ASXL2: variants seen among roughly 807,000 people sequenced by gnomAD.
ASXL2 encodes ASXL transcriptional regulator 2, also known as putative Polycomb group protein ASXL2.
ASXL2 carries 23 observed loss-of-function variants against 122.0 expected under a neutral mutation model. The ratio of observed to expected loss-of-function variants is 0.19; its 90% CI spans 0.14 to 0.27. ASXL2 has a LOEUF of 0.27. Ranked by LOEUF, ASXL2 falls within the 10% of genes least tolerant of loss-of-function variation. The probability of loss-of-function intolerance (pLI) is 1.00; values close to 1 mark genes in which losing one functional copy is unlikely to be tolerated. For synonymous variants in ASXL2, 650 were observed against 637.0 expected, an observed-to-expected ratio of 1.02 and a Z score of -0.31; for missense variants, 1,518 against 1,713.8, an observed-to-expected ratio of 0.89 and a Z score of 2.02.
rs1265230195 is a variant in ASXL2 at position 25,744,230 on chromosome 2, C to T, written c.2107G>A (p.Glu703Lys). ...CTAGCAGTCTGCCCTTCACCACCCT[C>T]TCCTGGACCTTGTCCACCCCCTGGG... is the stretch of plus-strand genomic sequence containing the variant. ...PGPGGGQGPGEGGEGQTARGG... is the reference protein window; with the variant it reads ...PGPGGGQGPGKGGEGQTARGG... The change falls in exon 13 of 13, where the codon GAG becomes AAG. Residue 703 changes from glutamate (E) to lysine (K), a missense_variant. By Grantham distance (56) the Glu-to-Lys change is moderately conservative. Transcript: ENST00000435504. This position sits in a 1 kb window ranked among gnomAD's most constrained non-coding sequence, Gnocchi z 4.7. 1 of 1,613,962 alleles carries T rather than the reference C, an allele frequency of 6.2e-7. No individual in the cohort carries two copies. The highest frequency in any genetic ancestry group is 1.3e-5 in the African/African-American group (1 of 74,946).
At chr2:25,779,252 A>G (rs972084493) in intron 5 of ASXL2, among the ~76,000 whole-genome samples, 2 of 151,588 alleles carry the variant, frequency 1.3e-5, no homozygotes, top group Non-Finnish European at 2.9e-5. Context: ...GCCCACCACC[A>G]TGCCTACCTA....
chr2:25,821,916 T>C (rs1375117734), intron 3 of ASXL2, among the ~76,000 whole-genome samples: 2 of 152,150 alleles, frequency 1.3e-5, no homozygotes, highest in Non-Finnish European at 2.9e-5. Flanking sequence ...CACAAACTGA[T>C]CTACCATGTA....
intron 5 of ASXL2, among the ~76,000 whole-genome samples, chr2:25,775,691 T>G (rs1308607900): frequency 1.3e-5 from 2 of 152,138 alleles, no homozygotes; most frequent in Non-Finnish European, 2.9e-5. Context: ...TCCCCAGCCA[T>G]GTGGAACTAA....
At chr2:25,778,245 A>G (rs1236701234) in intron 5 of ASXL2, among the ~76,000 whole-genome samples, 1 of 152,210 alleles carries the variant, frequency 6.6e-6, no homozygotes, top group East Asian at 1.9e-4. Context: ...GGATTATCCA[A>G]ATGGATCCTA....
At chr2:25,856,444 C>T (rs1045488028) in intron 1 of ASXL2, 1 of 878,964 alleles carries the variant, frequency 1.1e-6, no homozygotes, top group East Asian at 3.0e-5. Flanking sequence ...CAGTGGAGTC[C>T]TGGAGTCTCC....
intron 5 of ASXL2, among the ~76,000 whole-genome samples, chr2:25,776,465 C>T (rs927455327): frequency 6.6e-6 from 1 of 152,106 alleles, no homozygotes; most frequent in Non-Finnish European, 1.5e-5. Flanking sequence ...TTATGAAGAA[C>T]ATTTGTGTGC....
At chr2:25,804,815 C>CGAGGAGGGTGGATTACCTGAGGT (rs1256937002) in intron 4 of ASXL2, among the ~76,000 whole-genome samples, 1 of 152,038 alleles carries the variant, frequency 6.6e-6, no homozygotes, top group Non-Finnish European at 1.5e-5. Context: ...TTTGGGAGGC[C>CGAGGAGGGTGGATTACCTGAGGT]GAGGAGGGTG....
chr2:25,878,072 G>C, intron 1 of ASXL2, 94 bp downstream of exon 1: 4 of 1,518,970 alleles, frequency 2.6e-6, no homozygotes, highest in Non-Finnish European at 3.6e-6. Flanking sequence ...CCTTCAGCCG[G>C]GTCCCTGGGC....
chr2:25,754,286 C>T (rs2088095281), intron 10 of ASXL2, among the ~76,000 whole-genome samples: 1 of 152,218 alleles, frequency 6.6e-6, no homozygotes, highest in South Asian at 2.1e-4. Flanking sequence ...ATCCTTCCCA[C>T]TCCATCAGCA....
Position 25,771,558 on chromosome 2 carries a change from AC to A in ASXL2, c.404-19del. Reference sequence around the variant, plus strand: ...CGACGATACTAGGGAAAAAAAAGTGACAATAAAAGATTTTTGTTAACAGAGA... The same window carrying A: ...CGACGATACTAGGGAAAAAAAAGTGAAATAAAAGATTTTTGTTAACAGAGA... On this transcript the variant is annotated intron_variant, in intron 5 of 12. Coordinates refer to ENST00000435504, the MANE Select transcript of ASXL2 (RefSeq NM_018263.6). The A allele has an allele frequency of 6.3e-7, 1 of 1,592,334 alleles. No individual in the cohort carries two copies. Among genetic ancestry groups the A allele is most frequent in the Middle Eastern group, 1.7e-4 (1 of 5,986 alleles).
chr2:25,839,080 A>G (rs922655951), intron 2 of ASXL2, among the ~76,000 whole-genome samples: 1 of 152,250 alleles, frequency 6.6e-6, no homozygotes, highest in Non-Finnish European at 1.5e-5. Context: ...CAAACTGTCT[A>G]CAGAAAAACA....
Position 25,742,974 on chromosome 2 carries a change from T to C in ASXL2, c.3363A>G (p.Ala1121=), listed in dbSNP as rs2087860054. Residue 1121 remains alanine, a synonymous_variant, in exon 13 of 13, where the codon GCA becomes GCG. Coordinates refer to ENST00000435504, the MANE Select transcript of ASXL2 (RefSeq NM_018263.6). The stretch of plus-strand genomic sequence containing the variant: ...TAGAAATATTCAGTAAGTAGTGCCC[T>C]GCCATTGCAGGTTTGGATGTCCTTC... ...AGRRTSKPAM[A]GHYLLNISTY... is the part of the protein sequence containing the mutation. 1.2e-6 allele frequency: 2 copies of C among 1,614,056 alleles called. No homozygotes were observed. Among genetic ancestry groups the C allele is most frequent in the Non-Finnish European group, 1.7e-6 (2 of 1,179,900 alleles).
intron 3 of ASXL2, among the ~76,000 whole-genome samples, chr2:25,828,522 A>AG (rs112216839): frequency 7.5e-5 from 10 of 133,364 alleles, no homozygotes; most frequent in East Asian, 4.0e-4. Flanking sequence ...AAAAAAAAAT[A>AG]AAAAGAAAAG....
intron 5 of ASXL2, among the ~76,000 whole-genome samples, chr2:25,787,587 AT>A (rs2088769134): frequency 6.6e-6 from 1 of 152,236 alleles, no homozygotes; most frequent in African/African-American, 2.4e-5. Context: ...CAGTCAATTT[AT>A]AAAAACTGTA....
chr2:25,822,998 G>T, intron 3 of ASXL2: 1 of 508,102 alleles, frequency 2.0e-6, no homozygotes, highest in Non-Finnish European at 3.9e-6. Flanking sequence ...TAACTTCTCT[G>T]CAAGATTTCA....
chr2:25,763,974 T>C (rs1474324326), intron 8 of ASXL2, among the ~76,000 whole-genome samples: 1 of 152,138 alleles, frequency 6.6e-6, no homozygotes, highest in Non-Finnish European at 1.5e-5. Flanking sequence ...ATTTGGAAAT[T>C]AACAACAACA....
rs534477861 is a variant in ASXL2 at position 25,739,988 on chromosome 2, A to G, written c.*2041T>C. The G allele has an allele frequency of 9.9e-5, 22 of 221,814 alleles. No homozygotes were observed. In the South Asian group the frequency reaches 3.9e-3, roughly 39 times the overall value. 13.7% of individuals were successfully genotyped at this position (221,814 alleles called of 1,614,324 possible). On this transcript the variant is annotated 3_prime_UTR_variant, in exon 13 of 13. Coordinates refer to ENST00000435504, the MANE Select transcript of ASXL2 (RefSeq NM_018263.6). ...CTTCCTGGATTGCCCAAGGTACTGA[A>G]TATTTGGGAGCACCATTATTTCTGT...
At chr2:25,807,925 G>A (rs1350525033) in intron 3 of ASXL2, among the ~76,000 whole-genome samples, 3 of 151,304 alleles carry the variant, frequency 2.0e-5, no homozygotes, top group Admixed American at 6.6e-5. Flanking sequence ...GTGGTTGAGA[G>A]GGACTGAATC....
chr2:25,828,011 A>G (rs1182839493), intron 3 of ASXL2, among the ~76,000 whole-genome samples: 4 of 152,158 alleles, frequency 2.6e-5, no homozygotes, highest in African/African-American at 9.7e-5. Flanking sequence ...GTCCACTAGC[A>G]TTAACAAGTG....
Sources: gnomAD v4.1 joint callset for allele counts (sites outside exome capture counted in the v4.1 genomes callset) on GRCh38, gnomAD v4.1.1 for gene constraint, Gnocchi (gnomAD v3.1) non-coding constraint, MANE v1.5 for transcripts, NCBI Gene and HGNC (gene_info 2026-07-23, HGNC 2026-07-21) for gene names.